METTL8: variants seen among roughly 807,000 people sequenced by gnomAD.
METTL8 encodes tRNA N(3)-cytidine methyltransferase METTL8, mitochondrial.
Under a neutral mutation model 48.7 loss-of-function variants are expected in METTL8, and 32 were observed. That is an observed-to-expected ratio of 0.66 (90% confidence interval 0.50 to 0.88). The LOEUF (loss-of-function observed/expected upper bound fraction) is 0.88, where lower values mean the gene tolerates loss of function less well. Among genes scored for constraint, METTL8 ranks in the 40% least tolerant of loss-of-function variants. METTL8 has a pLI of 0.00. For synonymous variants in METTL8, 136 were observed against 157.1 expected, an observed-to-expected ratio of 0.87 and a Z score of 1.01; for missense variants, 464 against 474.4, an observed-to-expected ratio of 0.98 and a Z score of 0.20.
intron 2 of METTL8, chr2:171,374,869 C>T: frequency 2.5e-6 from 2 of 790,108 alleles, no homozygotes; most frequent in Admixed American, 1.9e-5. Flanking sequence ...TTTTTAAGTA[C>T]AATTTCCATT....
At chr2:171,426,175 AC>A (rs1692399466) in intron 1 of METTL8, among the ~76,000 whole-genome samples, 1 of 152,130 alleles carries the variant, frequency 6.6e-6, no homozygotes, top group Non-Finnish European at 1.5e-5. Flanking sequence ...CAAAAACAAA[AC>A]AAAAAACATG....
intron 1 of METTL8, 141 bp from the exon 2 acceptor site, chr2:171,392,338 A>G (rs1414155629): frequency 1.6e-6 from 1 of 628,972 alleles, no homozygotes; most frequent in Non-Finnish European, 2.6e-6. Context: ...GATGAGCATA[A>G]CAGCTTCTCT....
rs1410702509 is a variant in METTL8 at position 171,375,318 on chromosome 2, A to AG, written c.144-14806dup. 1.2e-5 allele frequency: 9 copies of AG among 739,698 alleles called. No homozygotes were observed. In the Admixed American group the frequency reaches 1.8e-4, roughly 15 times the overall value. The allele number at this position is 739,698 out of a possible 1,614,324, so 45.8% of individuals were successfully genotyped here. A position where few individuals can be genotyped will look rare whatever the true frequency, so the allele number is the denominator to read the frequency against. On this transcript the variant is annotated intron_variant, in intron 2 of 9. Transcript: ENST00000375258. ...CCAGAGATATATGTTTATCTTTTAA[A>AG]GAAACTGCCAAGTTCCTCGTTAGCA...
At chr2:171,356,952 A>ATGTTTTTTCTTTTTTTTTTTT in intron 3 of METTL8, among the ~76,000 whole-genome samples, 1 of 78,468 alleles carries the variant, frequency 1.3e-5, no homozygotes, top group Non-Finnish European at 2.4e-5. Context: ...CAAAGACAAT[A>ATGTTTTTTCTTTTTTTTTTTT]TTTTTTTTTT....
rs1456644086 is a variant in METTL8, at chr2:171,321,851, T to C, written c.*2321A>G. The C allele has an allele frequency of 2.0e-5, 3 of 152,172 alleles. No homozygotes were observed. Among genetic ancestry groups the C allele is most frequent in the Non-Finnish European group, 4.4e-5 (3 of 68,018 alleles). The allele number at this position is 152,172 out of a possible 1,614,324, so 9.4% of individuals were successfully genotyped here. On this transcript the variant is annotated 3_prime_UTR_variant, in exon 10 of 10. Coordinates refer to ENST00000375258, the MANE Select transcript of METTL8 (RefSeq NM_001321154.2). ...CTGAATTTAGCACTCAATATGTAAGTAGTCAATAAATATTATGTAATGAGT... is the reference window on the plus strand; with the variant it reads ...CTGAATTTAGCACTCAATATGTAAGCAGTCAATAAATATTATGTAATGAGT...
At chr2:171,325,959 A>C (rs1361943618) in intron 8 of METTL8, 53 bp from the exon 9 acceptor site, 4 of 1,390,622 alleles carry the variant, frequency 2.9e-6, no homozygotes, top group South Asian at 2.5e-5. Flanking sequence ...TTAAAAAAAA[A>C]CAACTAAATA....
chr2:171,396,465 T>G (rs541963788), intron 1 of METTL8, among the ~76,000 whole-genome samples: 1 of 152,244 alleles, frequency 6.6e-6, no homozygotes, highest in East Asian at 1.9e-4. Context: ...GCCCTACCAA[T>G]TGTCTAATGT....
intron 2 of METTL8, among the ~76,000 whole-genome samples, chr2:171,364,767 C>T (rs1685548858): frequency 1.3e-5 from 2 of 152,102 alleles, no homozygotes; most frequent in Non-Finnish European, 2.9e-5. Context: ...TGTAGTGTTG[C>T]TTCCTGTTAC....
Position 171,321,047 on chromosome 2 carries a change from T to A in METTL8, c.*3125A>T, listed in dbSNP as rs1684500351. On this transcript the variant is annotated 3_prime_UTR_variant, in exon 10 of 10. Transcript: ENST00000375258. ...CCACACTTGTCTTCTCACCATCTGC[T>A]GAGAATGTACATTCAAGAACTAGCC... is the stretch of plus-strand genomic sequence containing the variant. The A allele has an allele frequency of 6.6e-6, 1 of 152,240 alleles. No individual in the cohort carries two copies. Among genetic ancestry groups the A allele is most frequent in the Non-Finnish European group, 1.5e-5 (1 of 68,064 alleles). 9.4% of individuals were successfully genotyped at this position (152,240 alleles called of 1,614,324 possible).
At chr2:171,387,320 C>T (rs532241198) in intron 2 of METTL8, among the ~76,000 whole-genome samples, 3 of 152,022 alleles carry the variant, frequency 2.0e-5, no homozygotes, top group African/African-American at 7.2e-5. Context: ...GTCTGAGCAG[C>T]GGGGCACTGA....
chr2:171,370,273 G>A (rs909269895), intron 2 of METTL8, among the ~76,000 whole-genome samples: 2 of 151,922 alleles, frequency 1.3e-5, no homozygotes, highest in Admixed American at 6.6e-5. Flanking sequence ...TTACTTTATT[G>A]TTTGCATTTG....
intron 1 of METTL8, among the ~76,000 whole-genome samples, chr2:171,418,500 G>A (rs906704648): frequency 3.9e-5 from 6 of 152,030 alleles, no homozygotes; most frequent in South Asian, 2.1e-4. Flanking sequence ...GAATTCTTTT[G>A]CATGGACGAT....
intron 5 of METTL8, among the ~76,000 whole-genome samples, chr2:171,333,628 C>T (rs75271116): frequency 6.6e-6 from 1 of 152,308 alleles, no homozygotes; most frequent in African/African-American, 2.4e-5. Context: ...TTTACTTCAG[C>T]ATGTTCCCCT....
At chr2:171,369,882 A>G (rs1250676300) in intron 2 of METTL8, among the ~76,000 whole-genome samples, 5 of 152,174 alleles carry the variant, frequency 3.3e-5, no homozygotes, top group Admixed American at 2.6e-4. Context: ...TCTGACCAAC[A>G]TGGTGAAACC....
intron 1 of METTL8, among the ~76,000 whole-genome samples, chr2:171,413,532 T>A (rs1022173190): frequency 2.6e-5 from 4 of 152,354 alleles, no homozygotes; most frequent in Non-Finnish European, 4.4e-5. Context: ...GTCTTATTTT[T>A]AAATCACTTA....
At chr2:171,372,131 A>G (rs1246079706) in intron 2 of METTL8, among the ~76,000 whole-genome samples, 2 of 152,154 alleles carry the variant, frequency 1.3e-5, no homozygotes, top group African/African-American at 4.8e-5. Flanking sequence ...GTGGGAACCT[A>G]TATCTATCAG....
intron 2 of METTL8, among the ~76,000 whole-genome samples, chr2:171,375,832 T>C (rs534886394): frequency 6.6e-6 from 1 of 152,354 alleles, no homozygotes; most frequent in South Asian, 2.1e-4. Flanking sequence ...ATTCTGTTTA[T>C]ACAAAATATT....
chr2:171,431,411 A>G (rs1245038391), intron 1 of METTL8, among the ~76,000 whole-genome samples: 1 of 152,170 alleles, frequency 6.6e-6, no homozygotes, highest in Non-Finnish European at 1.5e-5. Flanking sequence ...CTTTACTGGG[A>G]GCTTTCCTTT....
Position 171,375,227 on chromosome 2 carries a change from C to G in METTL8, c.144-14714G>C, listed in dbSNP as rs537758089. The stretch of plus-strand genomic sequence containing the variant: ...CAGTTAGTGCAGCGAATAGGATGCA[C>G]GTGGCCGCGGCCCTTTTTGGCATGA... On this transcript the variant is annotated intron_variant, in intron 2 of 9. Coordinates refer to ENST00000375258, the MANE Select transcript of METTL8 (RefSeq NM_001321154.2). 2.3e-6 allele frequency: 3 copies of G among 1,292,406 alleles called. No homozygotes were observed. The African/African-American group carries it at 4.4e-5, about 19-fold the overall frequency. The allele number at this position is 1,292,406 out of a possible 1,614,324, so 80.1% of individuals were successfully genotyped here.
Sources: allele counts gnomAD v4.1 joint callset (sites outside exome capture counted in the v4.1 genomes callset), GRCh38; gene constraint gnomAD v4.1.1; transcripts MANE v1.5; gene names NCBI Gene and HGNC (gene_info 2026-07-23, HGNC 2026-07-21).